Variants in SCIN observed in about 807,000 individuals in gnomAD.
SCIN encodes adseverin.
In SCIN, 91 loss-of-function variants were observed where a neutral mutation model predicts 91.8. The ratio of observed to expected loss-of-function variants is 0.99; its 90% CI spans 0.84 to 1.18. The LOEUF is 1.18. SCIN is among the 50% of genes most tolerant of loss of function. The pLI is 0.00. For synonymous variants in SCIN, 367 were observed against 312.6 expected (o/e 1.17, Z -1.84); for missense variants, 1,087 against 863.9 (o/e 1.26, Z -3.24).
At chr7:12,644,865 T>C (rs1399088671) in intron 13 of SCIN, among the ~76,000 whole-genome samples, 160 bp downstream of exon 13, 3 of 149,958 alleles carry the variant, frequency 2.0e-5, no homozygotes, top group Admixed American at 6.7e-5. Flanking sequence ...AATATAAAAA[T>C]TAGCTGGATG....
chr7:12,620,657 G>A (rs1783388979), intron 4 of SCIN, among the ~76,000 whole-genome samples: 1 of 152,064 alleles, frequency 6.6e-6, no homozygotes, highest in Admixed American at 6.6e-5. Context: ...GACTAAGTGG[G>A]TAGGAGATCC....
intron 3 of SCIN, chr7:12,596,471 A>G (rs947071039): frequency 1.3e-5 from 6 of 456,040 alleles, no homozygotes; most frequent in African/African-American, 6.0e-5. Context: ...CCAGCTGCCA[A>G]TTTATCACTT....
At chr7:12,585,829 G>A (rs1782575926) in intron 3 of SCIN, among the ~76,000 whole-genome samples, 1 of 152,172 alleles carries the variant, frequency 6.6e-6, no homozygotes, top group African/African-American at 2.4e-5. Context: ...TTTTGCTGTT[G>A]CAGATGGATT....
At position 12,654,698 on chromosome 7, in the gene SCIN, A is replaced by G. The variant is rs1248166907; in HGVS notation, c.*1983A>G. 1.3e-5 allele frequency: 2 copies of G among 152,178 alleles called. No homozygotes were observed. The highest frequency in any genetic ancestry group is 4.8e-5 in the African/African-American group (2 of 41,458). 9.4% of individuals were successfully genotyped at this position (152,178 alleles called of 1,614,324 possible). On this transcript the variant is annotated 3_prime_UTR_variant, in exon 16 of 16. Transcript: ENST00000297029. ...TTTACGATGTTTCTCTAGTTTAGCC[A>G]GTGGTTTTTCTCATCTCCAATTTAT...
chr7:12,651,295 A>G lies in SCIN; in HGVS notation c.1960-546A>G, dbSNP rs888278646. On this transcript the variant is annotated intron_variant, in intron 14 of 15. Transcript: ENST00000297029. The surrounding 1 kb of genome is among the most constrained non-coding windows in gnomAD (Gnocchi z 5.9). ...AGACCTTTAAGAGTGTGATACTCTC[A>G]GTTAATCTTCCCTAGATCCCGAAAA... Among the ~76,000 whole-genome samples the G allele has an allele frequency of 6.6e-6, 1 of 152,150 alleles. No homozygotes were observed. Among genetic ancestry groups the G allele is most frequent in the Non-Finnish European group, 1.5e-5 (1 of 68,028 alleles).
At chr7:12,576,875 G>T (rs896991320) in intron 1 of SCIN, among the ~76,000 whole-genome samples, 12 of 152,048 alleles carry the variant, frequency 7.9e-5, no homozygotes, top group South Asian at 2.1e-4. Context: ...GGCCCATAGG[G>T]GTAGTATAAA....
intron 3 of SCIN, among the ~76,000 whole-genome samples, chr7:12,594,868 A>G (rs1308365458): frequency 6.6e-6 from 1 of 152,036 alleles, no homozygotes; most frequent in Non-Finnish European, 1.5e-5. Context: ...GTCTTTTGGG[A>G]GTGAAGAGAT....
chr7:12,596,260 C>T, intron 3 of SCIN: 1 of 420,284 alleles, frequency 2.4e-6, no homozygotes, highest in Non-Finnish European at 4.8e-6. Context: ...GTCTTTCTTC[C>T]TTTTTCCAGT....
intron 3 of SCIN, among the ~76,000 whole-genome samples, chr7:12,583,038 G>A (rs962166042): frequency 6.6e-6 from 1 of 151,646 alleles, no homozygotes; most frequent in East Asian, 1.9e-4. Context: ...TGATCGCGAG[G>A]GTCCCTTAAC....
At position 12,654,143 on chromosome 7, in the gene SCIN, A is replaced by G. The variant is rs1259635309; in HGVS notation, c.*1428A>G. 2.6e-5 allele frequency: 4 copies of G among 152,210 alleles called. No individual in the cohort carries two copies. Among genetic ancestry groups the G allele is most frequent in the Non-Finnish European group, 1.5e-5 (1 of 68,032 alleles). 9.4% of individuals were successfully genotyped at this position (152,210 alleles called of 1,614,324 possible). On this transcript the variant is annotated 3_prime_UTR_variant, in exon 16 of 16. Coordinates refer to ENST00000297029, the MANE Select transcript of SCIN (RefSeq NM_001112706.3). The stretch of plus-strand genomic sequence containing the variant: ...TAAAGGATGAACAATGTAGGGTCCA[A>G]CAATTCATCCCACATGAATTTTTCT...
chr7:12,602,978 A>T (rs1407570369), intron 3 of SCIN, among the ~76,000 whole-genome samples: 1 of 152,116 alleles, frequency 6.6e-6, no homozygotes. Context: ...GGAAGTGATA[A>T]ATGTCCATGA....
intron 4 of SCIN, among the ~76,000 whole-genome samples, chr7:12,620,885 T>G (rs1783393480): frequency 6.6e-6 from 1 of 152,142 alleles, no homozygotes; most frequent in South Asian, 2.1e-4. Flanking sequence ...AGATACATCT[T>G]GGCTAGAACA....
At chr7:12,632,781 A>G (rs1245176000) in intron 9 of SCIN, among the ~76,000 whole-genome samples, 2 of 152,190 alleles carry the variant, frequency 1.3e-5, no homozygotes, top group East Asian at 1.9e-4. Flanking sequence ...AAAAAGAGAA[A>G]GAGAAGGCAC....
At chr7:12,634,705 T>C (rs1033584555) in intron 9 of SCIN, among the ~76,000 whole-genome samples, 1 of 152,166 alleles carries the variant, frequency 6.6e-6, no homozygotes, top group Non-Finnish European at 1.5e-5. Flanking sequence ...TTTGTTTTGT[T>C]TTTTTACTGT....
chr7:12,591,591 G>A (rs1308297022), intron 3 of SCIN, among the ~76,000 whole-genome samples: 1 of 152,160 alleles, frequency 6.6e-6, no homozygotes, highest in East Asian at 1.9e-4. Context: ...GCAGTGACAA[G>A]AGCAGTTTGG....
chr7:12,612,350 T>A (rs1783209417), intron 4 of SCIN, among the ~76,000 whole-genome samples: 2 of 152,150 alleles, frequency 1.3e-5, no homozygotes, highest in Admixed American at 6.5e-5. Flanking sequence ...ATTTTTAAGT[T>A]AAAGGGAGCA....
chr7:12,613,459 A>G (rs1439687386), intron 4 of SCIN, among the ~76,000 whole-genome samples: 1 of 152,210 alleles, frequency 6.6e-6, no homozygotes, highest in South Asian at 2.1e-4. Flanking sequence ...TTAAATATGC[A>G]AGATTCAGCC....
intron 12 of SCIN, 133 bp from the exon 13 acceptor site, chr7:12,644,451 G>C: frequency 6.9e-7 from 1 of 1,443,446 alleles, no homozygotes; most frequent in Non-Finnish European, 9.3e-7. Context: ...AGAGGTGGGT[G>C]GGTGATGGTA....
At chr7:12,582,599 CA>C (rs886912627) in intron 3 of SCIN, among the ~76,000 whole-genome samples, 2 of 152,158 alleles carry the variant, frequency 1.3e-5, no homozygotes, top group African/African-American at 4.8e-5. Context: ...CCCTAAATGG[CA>C]GTACCTTTGC....
Sources: gnomAD v4.1 joint callset for allele counts (sites outside exome capture counted in the v4.1 genomes callset) on GRCh38, gnomAD v4.1.1 for gene constraint, Gnocchi (gnomAD v3.1) non-coding constraint, MANE v1.5 for transcripts, NCBI Gene and HGNC (gene_info 2026-07-23, HGNC 2026-07-21) for gene names.